MAP1B: variants seen among roughly 807,000 people sequenced by gnomAD.
MAP1B encodes microtubule associated protein 1B.
A neutral mutation model predicts 176.1 loss-of-function variants in MAP1B; 12 were observed. The ratio of observed to expected loss-of-function variants is 0.07; its 90% CI spans 0.04 to 0.11. MAP1B has a LOEUF of 0.11. MAP1B is among the 10% of genes least tolerant of loss of function. The probability of loss-of-function intolerance (pLI) is 1.00; values close to 1 mark genes in which losing one functional copy is unlikely to be tolerated. For missense variants in MAP1B, 2,523 were observed against 2,990.5 expected, an observed-to-expected ratio of 0.84 and a Z score of 3.65; for synonymous variants, 1,044 against 1,135.0, an observed-to-expected ratio of 0.92 and a Z score of 1.61.
At chr5:72,193,553 G>A (rs571245661) in intron 4 of MAP1B, among the ~76,000 whole-genome samples, 93 of 152,242 alleles carry the variant, frequency 6.1e-4, no homozygotes, top group Admixed American at 9.8e-4. Context: ...TGTTAGAACT[G>A]GAGCAGAGTA....
chr5:72,201,837 A>C (rs993264853), intron 5 of MAP1B, among the ~76,000 whole-genome samples: 1 of 152,226 alleles, frequency 6.6e-6, no homozygotes, highest in Non-Finnish European at 1.5e-5. Context: ...GCCTTTCTAC[A>C]TGCACATAGA....
chr5:72,193,645 A>G (rs1207593372), intron 4 of MAP1B, among the ~76,000 whole-genome samples: 1 of 152,136 alleles, frequency 6.6e-6, no homozygotes, highest in Admixed American at 6.5e-5. Context: ...TGGTTGAGGT[A>G]GAAGCCAGTA....
intron 2 of MAP1B, among the ~76,000 whole-genome samples, chr5:72,127,892 A>T (rs1486560475): frequency 1.3e-5 from 2 of 152,220 alleles, no homozygotes; most frequent in Non-Finnish European, 2.9e-5. Context: ...GAATTTCCTA[A>T]ACCAAATTTA....
intron 2 of MAP1B, among the ~76,000 whole-genome samples, chr5:72,132,940 G>C (rs138223755): frequency 1.7e-3 from 254 of 152,204 alleles, no homozygotes; most frequent in African/African-American, 5.5e-3. Flanking sequence ...TCCAGGTTCA[G>C]CATTTGCCAG....
At chr5:72,175,128 G>C (rs1350039210) in intron 2 of MAP1B, among the ~76,000 whole-genome samples, 1 of 142,776 alleles carries the variant, frequency 7.0e-6, no homozygotes, top group Non-Finnish European at 1.5e-5. Context: ...GCAGTGGTGT[G>C]ATCTCGGCTC....
chr5:72,123,472 G>GTT (rs35684135), intron 2 of MAP1B, among the ~76,000 whole-genome samples: 98 of 148,070 alleles, frequency 6.6e-4, no homozygotes, highest in African/African-American at 2.0e-3. Flanking sequence ...CAGCTAATTT[G>GTT]TTTTTTTTGT....
chr5:72,150,005 T>A (rs1746113863), intron 2 of MAP1B, among the ~76,000 whole-genome samples: 1 of 152,220 alleles, frequency 6.6e-6, no homozygotes, highest in Non-Finnish European at 1.5e-5. Context: ...GGGTATATCA[T>A]GTGGGATCTC....
intron 2 of MAP1B, among the ~76,000 whole-genome samples, chr5:72,171,550 A>G (rs1344773136): frequency 6.6e-6 from 1 of 152,204 alleles, no homozygotes; most frequent in Non-Finnish European, 1.5e-5. Flanking sequence ...TGTTCATGCC[A>G]CTGCACTCCA....
At position 72,186,663 on chromosome 5, in the gene MAP1B, C is replaced by A. The variant is rs963758231; in HGVS notation, c.419C>A (p.Thr140Asn). 8.1e-6 allele frequency: 13 copies of A among 1,614,090 alleles called. No individual in the cohort carries two copies. In the Middle Eastern group the frequency reaches 4.9e-4, roughly 61 times the overall value. ...GCCCGACACAAGCTGCTCGTGCTGACCGGGCAGTGCTTTGAAAATACCGGA... is the reference window on the plus strand; with the variant it reads ...GCCCGACACAAGCTGCTCGTGCTGAACGGGCAGTGCTTTGAAAATACCGGA... The part of the protein sequence containing the change: ...DAARHKLLVL[T>N]GQCFENTGEL... The change falls in exon 4 of 7, where the codon ACC becomes AAC. Residue 140 changes from threonine to asparagine, a missense_variant. Around this residue, in one of 4 missense-constraint regions of MAP1B, gnomAD observed 307 missense variants for 438.4 expected, o/e 0.70. Coordinates refer to ENST00000296755, the MANE Select transcript of MAP1B (RefSeq NM_005909.5). The surrounding 1 kb of genome is among the most constrained non-coding windows in gnomAD (Gnocchi z 4.3).
In MAP1B at chr5:72,186,771, G is replaced by A. The variant is rs770170182; in HGVS notation, c.510+17G>A. On this transcript the variant is annotated intron_variant, in intron 4 of 6. Transcript: ENST00000296755. The surrounding 1 kb of genome is among the most constrained non-coding windows in gnomAD (Gnocchi z 4.3). ...GATCAAGAGGTAGGTTCGTGTCTGA[G>A]AATATCTGTGCTTCTAGTGGCTTGG... is the stretch of plus-strand genomic sequence containing the variant. 1 of 1,613,524 alleles carries A rather than the reference G, an allele frequency of 6.2e-7. No homozygotes were observed. The highest frequency in any genetic ancestry group is 8.5e-7 in the Non-Finnish European group (1 of 1,179,980).
chr5:72,119,850 C>G (rs530883995), intron 2 of MAP1B, among the ~76,000 whole-genome samples: 1 of 152,164 alleles, frequency 6.6e-6, no homozygotes, highest in South Asian at 2.1e-4. Context: ...ATTTTAAATA[C>G]TATCATAAAA....
intron 2 of MAP1B, among the ~76,000 whole-genome samples, chr5:72,132,375 A>C (rs1745749587): frequency 6.6e-6 from 1 of 152,144 alleles, no homozygotes; most frequent in African/African-American, 2.4e-5. Flanking sequence ...ATGTGCTCTT[A>C]TCATTGTTTC....
chr5:72,138,130 A>G (rs931209813), intron 2 of MAP1B, among the ~76,000 whole-genome samples: 3 of 152,238 alleles, frequency 2.0e-5, no homozygotes, highest in Non-Finnish European at 4.4e-5. Context: ...CTTATGATAT[A>G]AAGAGTTCTT....
chr5:72,205,792 GGCAAAGT>G lies in MAP1B; in HGVS notation c.*554_*560del, dbSNP rs1439017037. ...CAGTAGGCATTCTTTAGTCTACATAGGCAAAGTTTTCCATTTTTGTCAGTCTGAGTCA... is the reference window on the plus strand; with the variant it reads ...CAGTAGGCATTCTTTAGTCTACATAGTTTCCATTTTTGTCAGTCTGAGTCA... On this transcript the variant is annotated 3_prime_UTR_variant, in exon 7 of 7. Coordinates refer to ENST00000296755, the MANE Select transcript of MAP1B (RefSeq NM_005909.5). 1 of 152,158 alleles carries G rather than the reference GGCAAAGT, an allele frequency of 6.6e-6. No homozygotes were observed. Among genetic ancestry groups the G allele is most frequent in the African/African-American group, 2.4e-5 (1 of 41,414 alleles). 9.4% of individuals were successfully genotyped at this position (152,158 alleles called of 1,614,324 possible).
intron 2 of MAP1B, among the ~76,000 whole-genome samples, chr5:72,158,283 T>C (rs975737751): frequency 3.3e-5 from 5 of 152,000 alleles, no homozygotes; most frequent in Non-Finnish European, 7.4e-5. Context: ...GCTGGGATTA[T>C]AGGCATAAGC....
chr5:72,114,087 T>A (rs997750754), intron 1 of MAP1B, among the ~76,000 whole-genome samples: 1 of 152,218 alleles, frequency 6.6e-6, no homozygotes, highest in Non-Finnish European at 1.5e-5. Context: ...TTCCCATTGA[T>A]CATATGAGAA....
intron 2 of MAP1B, among the ~76,000 whole-genome samples, chr5:72,162,856 C>T (rs557362319): frequency 6.6e-5 from 10 of 152,162 alleles, no homozygotes; most frequent in Non-Finnish European, 1.2e-4. Context: ...TGGCTTGAAG[C>T]CTTCCAGTGC....
intron 5 of MAP1B, among the ~76,000 whole-genome samples, chr5:72,201,919 A>C (rs777580030): frequency 1.3e-5 from 2 of 152,242 alleles, no homozygotes; most frequent in Non-Finnish European, 2.9e-5. Flanking sequence ...CATCTGAAAG[A>C]GTTGACAACT....
chr5:72,136,647 A>C (rs1745841624), intron 2 of MAP1B, among the ~76,000 whole-genome samples: 1 of 152,164 alleles, frequency 6.6e-6, no homozygotes, highest in African/African-American at 2.4e-5. Context: ...GCCCCAAGTC[A>C]CACCTAGCCT....
Sources: allele counts gnomAD v4.1 joint callset (sites outside exome capture counted in the v4.1 genomes callset), GRCh38; gene constraint gnomAD v4.1.1; regional missense constraint gnomAD v4.1.1; non-coding constraint Gnocchi (gnomAD v3.1); transcripts MANE v1.5; gene names NCBI Gene and HGNC (gene_info 2026-07-23, HGNC 2026-07-21).